The following CDH8 variants were observed in gnomAD, a reference collection of about 807,000 sequenced individuals.
CDH8 encodes cadherin-8.
CDH8 carries 17 observed loss-of-function variants against 68.1 expected under a neutral mutation model. That is an observed-to-expected ratio of 0.25 (90% confidence interval 0.17 to 0.37). The LOEUF (loss-of-function observed/expected upper bound fraction) is 0.37. Among genes scored for constraint, CDH8 ranks in the 10% least tolerant of loss-of-function variants. CDH8 has a pLI of 1.00. For synonymous variants in CDH8, 372 were observed against 365.1 expected (o/e 1.02, Z -0.21); for missense variants, 763 against 999.3 (o/e 0.76, Z 3.19).
chr16:61,777,762 A>G (rs1960936739), intron 8 of CDH8, among the ~76,000 whole-genome samples: 1 of 152,112 alleles, frequency 6.6e-6, no homozygotes, highest in Non-Finnish European at 1.5e-5. Flanking sequence ...TAAAACTGAC[A>G]TGGGCTATGC....
intron 2 of CDH8, among the ~76,000 whole-genome samples, chr16:61,916,475 C>T (rs1210614339): frequency 2.0e-5 from 3 of 152,074 alleles, no homozygotes; most frequent in Non-Finnish European, 2.9e-5. Flanking sequence ...AGATCATGCA[C>T]CTGCACTCCA....
At chr16:61,674,428 G>A (rs376679380) in intron 10 of CDH8, among the ~76,000 whole-genome samples, 6 of 147,472 alleles carry the variant, frequency 4.1e-5, no homozygotes, top group East Asian at 2.0e-4. Context: ...CACTCCAGCC[G>A]AGGTGACAGT....
intron 7 of CDH8, among the ~76,000 whole-genome samples, chr16:61,797,265 A>G (rs886168083): frequency 6.6e-6 from 1 of 152,100 alleles, no homozygotes; most frequent in Non-Finnish European, 1.5e-5. Context: ...GACAATATAC[A>G]TGCAGAACAC....
intron 1 of CDH8, among the ~76,000 whole-genome samples, chr16:62,027,951 C>A (rs1008955684): frequency 6.6e-6 from 1 of 152,224 alleles, no homozygotes; most frequent in Admixed American, 6.5e-5. Context: ...CAGCCACAAC[C>A]CTTCCGGTCA....
At chr16:61,695,013 C>T (rs916295723) in intron 10 of CDH8, among the ~76,000 whole-genome samples, 15 of 151,964 alleles carry the variant, frequency 9.9e-5, no homozygotes, top group East Asian at 5.8e-4. Flanking sequence ...AACTCCTGAC[C>T]GCGTGATCCC....
At position 61,727,194 on chromosome 16, in the gene CDH8, C is replaced by T. The variant is rs751684596; in HGVS notation, c.1436G>A (p.Arg479Gln). The T allele has an allele frequency of 3.1e-6, 5 of 1,608,654 alleles. No homozygotes were observed. Among genetic ancestry groups the T allele is most frequent in the Non-Finnish European group, 4.2e-6 (5 of 1,176,486 alleles). The change falls in exon 9 of 12, where the codon CGA (arginine) becomes CAA (glutamine). Residue 479 changes from arginine (R) to glutamine (Q), a missense_variant. Around this residue, in one of 2 missense-constraint regions of CDH8, gnomAD observed 397 missense variants for 436.2 expected, o/e 0.91. Coordinates refer to ENST00000577390, the MANE Select transcript of CDH8 (RefSeq NM_001796.5). ...CAGCACTTTAATAGCAACAGGTACT[C>T]GTGATATCTGACTGTGGTTCCCTAT... ...TEIRNHSQIS[R>Q]VPVAIKVLDV...
chr16:61,903,526 T>C (rs755345902), intron 2 of CDH8, among the ~76,000 whole-genome samples: 5 of 152,088 alleles, frequency 3.3e-5, no homozygotes, highest in Non-Finnish European at 7.4e-5. Context: ...GGTTTCACTG[T>C]GGTCTTGATC....
intron 10 of CDH8, among the ~76,000 whole-genome samples, chr16:61,656,174 C>A (rs4636897): frequency 6.6e-6 from 1 of 152,014 alleles, no homozygotes; most frequent in Admixed American, 6.6e-5. Flanking sequence ...GCCCGGCCTG[C>A]GCTTTTTCAA....
At chr16:61,758,952 A>G (rs1408879843) in intron 8 of CDH8, among the ~76,000 whole-genome samples, 1 of 152,134 alleles carries the variant, frequency 6.6e-6, no homozygotes, top group East Asian at 1.9e-4. Context: ...TGGTGACGCC[A>G]TTGAGCAGTA....
At chr16:61,977,942 T>C (rs75115043) in intron 2 of CDH8, among the ~76,000 whole-genome samples, 2 of 152,190 alleles carry the variant, frequency 1.3e-5, no homozygotes, top group Non-Finnish European at 2.9e-5. Context: ...TTGTTATTTT[T>C]ACCATTTTTA....
At chr16:61,973,746 C>T (rs1567552281) in intron 2 of CDH8, among the ~76,000 whole-genome samples, 1 of 152,160 alleles carries the variant, frequency 6.6e-6, no homozygotes, top group Non-Finnish European at 1.5e-5. Context: ...AGAAAAGACC[C>T]ACAACTTCTG....
intron 4 of CDH8, among the ~76,000 whole-genome samples, chr16:61,843,058 T>C (rs1322191313): frequency 1.3e-5 from 2 of 152,030 alleles, no homozygotes; most frequent in Non-Finnish European, 2.9e-5. Context: ...AAAATGATAC[T>C]TTCTGTCAGC....
intron 2 of CDH8, among the ~76,000 whole-genome samples, chr16:61,947,208 G>A (rs1310170050): frequency 1.3e-5 from 2 of 152,076 alleles, no homozygotes; most frequent in African/African-American, 2.4e-5. Context: ...TTAAGATTGA[G>A]TATGACTATT....
chr16:61,936,943 G>A (rs189545201), intron 2 of CDH8, among the ~76,000 whole-genome samples: 1 of 152,038 alleles, frequency 6.6e-6, no homozygotes, highest in Non-Finnish European at 1.5e-5. Flanking sequence ...ATAAAATCAC[G>A]TATCTCTGGG....
At chr16:61,723,373 C>G (rs934951086) in intron 9 of CDH8, among the ~76,000 whole-genome samples, 10 of 150,582 alleles carry the variant, frequency 6.6e-5, no homozygotes, top group Non-Finnish European at 1.2e-4. Flanking sequence ...GCCAGATTAC[C>G]ATTCTCTTCA....
At chr16:61,783,741 G>C (rs954692796) in intron 8 of CDH8, among the ~76,000 whole-genome samples, 1 of 151,698 alleles carries the variant, frequency 6.6e-6, no homozygotes, top group Non-Finnish European at 1.5e-5. Context: ...CGGATCTCTC[G>C]GCAGAAACCC....
chr16:61,660,470 A>G (rs1217379217), intron 10 of CDH8, among the ~76,000 whole-genome samples: 1 of 152,052 alleles, frequency 6.6e-6, no homozygotes, highest in African/African-American at 2.4e-5. Flanking sequence ...AAAAATGTAT[A>G]ACACCATTAA....
chr16:61,727,142 G>T lies in CDH8; in HGVS notation c.1488C>A (p.Phe496Leu). Reference protein sequence around the residue: ...VLDVNDNAPEFASEYEAFLCE... With the variant: ...VLDVNDNAPELASEYEAFLCE... ...ATAAAAATGCCTCATATTCGGATGCGAATTCAGGGGCGTTGTCATTGACAT... is the reference window on the plus strand; with the variant it reads ...ATAAAAATGCCTCATATTCGGATGCTAATTCAGGGGCGTTGTCATTGACAT... Residue 496 changes from phenylalanine (F) to leucine (L), a missense_variant, in exon 9 of 12, where the codon TTC becomes TTA. Coordinates refer to ENST00000577390, the MANE Select transcript of CDH8 (RefSeq NM_001796.5). The T allele has an allele frequency of 1.2e-6, 2 of 1,610,530 alleles. No individual in the cohort carries two copies. The highest frequency in any genetic ancestry group is 2.2e-5 in the East Asian group (1 of 44,788).
chr16:61,885,354 A>C (rs1416919545), intron 3 of CDH8, among the ~76,000 whole-genome samples: 2 of 152,222 alleles, frequency 1.3e-5, no homozygotes, highest in African/African-American at 2.4e-5. Context: ...GAATTTAAAA[A>C]TATGTACGCG....
Sources: allele counts gnomAD v4.1 joint callset (sites outside exome capture counted in the v4.1 genomes callset), GRCh38; gene constraint gnomAD v4.1.1; regional missense constraint gnomAD v4.1.1; transcripts MANE v1.5; gene names NCBI Gene and HGNC (gene_info 2026-07-23, HGNC 2026-07-21).